Variants in CEP128 observed in about 807,000 individuals in gnomAD.
The protein encoded by CEP128 is centrosomal protein 128.
CEP128 carries 132 observed loss-of-function variants against 156.7 expected under a neutral mutation model. The ratio of observed to expected loss-of-function variants is 0.84; its 90% CI spans 0.73 to 0.97. The LOEUF is 0.97. CEP128 is among the 50% of genes least tolerant of loss of function. CEP128 has a pLI of 0.00. For synonymous variants in CEP128, 469 were observed against 448.9 expected (o/e 1.04, Z -0.57); for missense variants, 1,252 against 1,281.9 (o/e 0.98, Z 0.36).
At chr14:80,833,329 CAT>C (rs756277640) in intron 12 of CEP128, among the ~76,000 whole-genome samples, 32 of 150,930 alleles carry the variant, frequency 2.1e-4, no homozygotes, top group Non-Finnish European at 3.0e-4. Flanking sequence ...CTTTATGAAA[CAT>C]ATATATTTGA....
chr14:80,927,110 G>C (rs1885192923), intron 2 of CEP128, among the ~76,000 whole-genome samples: 1 of 152,198 alleles, frequency 6.6e-6, no homozygotes, highest in African/African-American at 2.4e-5. Flanking sequence ...GCAGCAGCAA[G>C]ATTCACAGTG....
In CEP128 at chr14:80,507,846, T is replaced by TA. The variant is rs926975859; in HGVS notation, c.3073-2827dup. On this transcript the variant is annotated intron_variant, in intron 23 of 24. Coordinates refer to ENST00000555265, the MANE Select transcript of CEP128 (RefSeq NM_152446.5). ...CCTAAAAGGCATGGTTTTAAATTTC[T>TA]AAAAAAAAGTCAACTGGCATCAAAG... is the stretch of plus-strand genomic sequence containing the variant. Among the ~76,000 whole-genome samples, 4 of 152,032 alleles carry TA rather than the reference T, an allele frequency of 2.6e-5. No individual in the cohort carries two copies. In the East Asian group the frequency reaches 5.8e-4, roughly 22 times the overall value.
At position 80,647,049 on chromosome 14, in the gene CEP128, A is replaced by ATGTGTGTGTGTG. The variant is rs1425598200; in HGVS notation, c.2807-66627_2807-66626insCACACACACACA. On this transcript the variant is annotated intron_variant, in intron 19 of 24. Coordinates refer to ENST00000555265, the MANE Select transcript of CEP128 (RefSeq NM_152446.5). ...TATATGTGTGCATGTATATATATATATATATATATATATATATATATATAT... is the reference window on the plus strand; with the variant it reads ...TATATGTGTGCATGTATATATATATATGTGTGTGTGTGTATATATATATATATATATATATAT... 4.2e-3 allele frequency among the ~76,000 whole-genome samples: 77 copies of ATGTGTGTGTGTG among 18,316 alleles called. 3 individuals are homozygous for ATGTGTGTGTGTG. Among genetic ancestry groups the ATGTGTGTGTGTG allele is most frequent in the African/African-American group, 0.015 (29 of 1,894 alleles). 12.0% of individuals were successfully genotyped at this position (18,316 alleles called of 152,430 possible).
intron 13 of CEP128, among the ~76,000 whole-genome samples, chr14:80,803,354 T>TG (rs1297816034): frequency 1.2e-5 from 1 of 82,242 alleles, no homozygotes; most frequent in Non-Finnish European, 2.5e-5. Context: ...CAGCCCTATG[T>TG]TAAAAAAAAA....
intron 13 of CEP128, among the ~76,000 whole-genome samples, chr14:80,794,025 A>G (rs1901856537): frequency 6.6e-6 from 1 of 152,222 alleles, no homozygotes; most frequent in Non-Finnish European, 1.5e-5. Context: ...AATGAGTCAC[A>G]TAAGCTGACC....
At chr14:80,689,365 T>G (rs888201604) in intron 19 of CEP128, among the ~76,000 whole-genome samples, 3 of 146,026 alleles carry the variant, frequency 2.1e-5, no homozygotes, top group Non-Finnish European at 4.5e-5. Flanking sequence ...TAGGAGGAGA[T>G]CAAGCTACAT....
rs180675899 is a variant in CEP128 at position 80,922,638 on chromosome 14, G to A, written c.-15-6076C>T. On this transcript the variant is annotated intron_variant, in intron 2 of 24. Coordinates refer to ENST00000555265, the MANE Select transcript of CEP128 (RefSeq NM_152446.5). ...TTTAATCACTATTATAATTTGAAGC[G>A]CAAAGACGAATTATTAAGAGTAGAA... Among the ~76,000 whole-genome samples, 16 of 152,188 alleles carry A rather than the reference G, an allele frequency of 1.1e-4. 1 individual carries two copies. The highest frequency in any genetic ancestry group is 2.6e-4 in the Admixed American group (4 of 15,278).
chr14:80,900,163 A>T, intron 6 of CEP128, 134 bp from the exon 7 acceptor site: 1 of 568,920 alleles, frequency 1.8e-6, no homozygotes, highest in Non-Finnish European at 3.0e-6. Context: ...GAAAGAAAAC[A>T]CCTACTCTGA....
intron 19 of CEP128, among the ~76,000 whole-genome samples, chr14:80,663,983 A>G (rs1017968585): frequency 6.6e-6 from 1 of 152,180 alleles, no homozygotes; most frequent in Non-Finnish European, 1.5e-5. Flanking sequence ...TACAATTCCA[A>G]AATTCTCAGC....
At chr14:80,925,031 T>C (rs1467470035) in intron 2 of CEP128, among the ~76,000 whole-genome samples, 1 of 152,084 alleles carries the variant, frequency 6.6e-6, no homozygotes, top group African/African-American at 2.4e-5. Flanking sequence ...CCTGAACTAT[T>C]AAACTGAGCA....
chr14:80,714,366 A>T (rs1340245927), intron 19 of CEP128, among the ~76,000 whole-genome samples: 1 of 152,076 alleles, frequency 6.6e-6, no homozygotes, highest in Non-Finnish European at 1.5e-5. Context: ...TAGGGTATAA[A>T]CACCACCATT....
intron 6 of CEP128, among the ~76,000 whole-genome samples, chr14:80,903,695 A>T (rs1291590327): frequency 6.6e-6 from 1 of 152,164 alleles, no homozygotes; most frequent in African/African-American, 2.4e-5. Flanking sequence ...ACCTGAACAG[A>T]CATTTCTCAA....
intron 2 of CEP128, among the ~76,000 whole-genome samples, chr14:80,922,259 A>G (rs1181383880): frequency 1.3e-5 from 2 of 152,144 alleles, no homozygotes; most frequent in African/African-American, 4.8e-5. Flanking sequence ...GTCCCCTGGC[A>G]TCTACCTAGG....
chr14:80,905,761 A>G (rs1342086606), intron 5 of CEP128, 194 bp downstream of exon 5: 3 of 508,542 alleles, frequency 5.9e-6, no homozygotes, highest in Non-Finnish European at 9.9e-6. Context: ...TTGAGAAAAA[A>G]AAAAAAACAA....
chr14:80,765,932 A>G (rs1305025757), intron 16 of CEP128, among the ~76,000 whole-genome samples: 1 of 152,214 alleles, frequency 6.6e-6, no homozygotes, highest in African/African-American at 2.4e-5. Flanking sequence ...CAATGTGAAA[A>G]ATTCAGAAAA....
intron 16 of CEP128, among the ~76,000 whole-genome samples, chr14:80,764,181 C>T (rs1460359216): frequency 2.6e-5 from 4 of 152,118 alleles, no homozygotes; most frequent in Admixed American, 2.6e-4. Flanking sequence ...TCTATAAGTT[C>T]GGTCTCTTTA....
intron 19 of CEP128, among the ~76,000 whole-genome samples, chr14:80,708,657 T>C (rs1897302558): frequency 1.3e-5 from 2 of 152,194 alleles, no homozygotes; most frequent in South Asian, 4.1e-4. Flanking sequence ...AAAACTGCTA[T>C]GCAATCAAAT....
downstream of CEP128, among the ~76,000 whole-genome samples, chr14:80,489,876 A>G (rs1269538194): frequency 7.4e-5 from 11 of 148,724 alleles, no homozygotes; most frequent in Non-Finnish European, 7.4e-5. Flanking sequence ...ATTTCTTTGT[A>G]TCTGACATTT....
chr14:80,823,553 C>G (rs12434564), intron 13 of CEP128, among the ~76,000 whole-genome samples: 49,355 of 151,832 alleles, frequency 0.33, 8,891 homozygotes, highest in Non-Finnish European at 0.4. Context: ...GCCTGAAATA[C>G]CATGATTGTT....
Sources: gnomAD v4.1 joint callset for allele counts (sites outside exome capture counted in the v4.1 genomes callset) on GRCh38, gnomAD v4.1.1 for gene constraint, MANE v1.5 for transcripts, NCBI Gene and HGNC (gene_info 2026-07-23, HGNC 2026-07-21) for gene names.